PCDH7: variants seen among roughly 807,000 people sequenced by gnomAD.
PCDH7 encodes the protein protocadherin-7.
PCDH7 carries 17 observed loss-of-function variants against 58.9 expected under a neutral mutation model. The observed-to-expected ratio is 0.29, with a 90% CI of 0.20 to 0.43. The LOEUF is 0.43. PCDH7 is among the 20% of genes least tolerant of loss of function. The pLI, the probability that PCDH7 is intolerant of heterozygous loss-of-function variation, is 1.00. For missense variants in PCDH7, 1,274 were observed against 1,441.0 expected (o/e 0.88, Z 1.88); for synonymous variants, 664 against 616.4 (o/e 1.08, Z -1.14).
chr4:31,125,582 A>C (rs1172446135), intron 3 of PCDH7, among the ~76,000 whole-genome samples: 1 of 152,154 alleles, frequency 6.6e-6, no homozygotes, highest in East Asian at 1.9e-4. Context: ...ACGCAGTTCA[A>C]TTTTTGAATT....
chr4:30,842,095 C>T (rs1731293030), intron 1 of PCDH7, among the ~76,000 whole-genome samples: 2 of 152,092 alleles, frequency 1.3e-5, no homozygotes, highest in Non-Finnish European at 2.9e-5. Flanking sequence ...ACATATTTGA[C>T]ATTAATAAAA....
chr4:31,071,339 T>C (rs1758527597), intron 3 of PCDH7, among the ~76,000 whole-genome samples: 1 of 152,076 alleles, frequency 6.6e-6, no homozygotes, highest in South Asian at 2.1e-4. Flanking sequence ...GTCTGTTGTT[T>C]ACAAACAAGC....
At chr4:30,744,374 C>T (rs1382505930) in intron 1 of PCDH7, among the ~76,000 whole-genome samples, 2 of 152,116 alleles carry the variant, frequency 1.3e-5, no homozygotes, top group South Asian at 2.1e-4. Context: ...CTCCATTAAC[C>T]TATATGATTC....
intron 1 of PCDH7, 194 bp downstream of exon 1, chr4:30,724,790 T>C (rs531307841): frequency 1.4e-6 from 2 of 1,409,714 alleles, no homozygotes; most frequent in South Asian, 3.6e-5. Flanking sequence ...ATTTTGCAAA[T>C]TAGAATTAAG....
intron 3 of PCDH7, among the ~76,000 whole-genome samples, chr4:31,072,845 A>T (rs1425627865): frequency 6.6e-6 from 1 of 152,122 alleles, no homozygotes; most frequent in Admixed American, 6.6e-5. Context: ...ACACTAGAAA[A>T]ACGTTCAGAA....
intron 1 of PCDH7, among the ~76,000 whole-genome samples, chr4:30,748,112 T>C (rs1431691870): frequency 6.6e-6 from 1 of 152,232 alleles, no homozygotes; most frequent in East Asian, 1.9e-4. Context: ...AAAAAATGTT[T>C]CACACTTTAA....
intron 3 of PCDH7, among the ~76,000 whole-genome samples, chr4:30,999,945 C>T (rs1037062508): frequency 6.6e-6 from 1 of 152,080 alleles, no homozygotes; most frequent in African/African-American, 2.4e-5. Context: ...ATTTGTATAA[C>T]CCTAGAGCAA....
intron 1 of PCDH7, among the ~76,000 whole-genome samples, chr4:30,881,665 C>T (rs1175711420): frequency 2.0e-5 from 3 of 151,996 alleles, no homozygotes; most frequent in Non-Finnish European, 4.4e-5. Context: ...AATTACTTTG[C>T]CCAGAAAATT....
intron 3 of PCDH7, among the ~76,000 whole-genome samples, chr4:30,962,972 A>G (rs1748611164): frequency 6.6e-6 from 1 of 152,236 alleles, no homozygotes; most frequent in East Asian, 1.9e-4. Flanking sequence ...AGCCTGAGGA[A>G]TAAGTCACAT....
chr4:30,794,883 C>T (rs930335402), intron 1 of PCDH7, among the ~76,000 whole-genome samples: 2 of 152,086 alleles, frequency 1.3e-5, no homozygotes, highest in Admixed American at 6.6e-5. Context: ...GCATGAATAT[C>T]ATTAGACAAT....
intron 1 of PCDH7, among the ~76,000 whole-genome samples, chr4:30,886,623 G>A (rs1345358234): frequency 6.7e-6 from 1 of 149,624 alleles, no homozygotes; most frequent in Non-Finnish European, 1.5e-5. Flanking sequence ...CCATTACTGG[G>A]TATATACCCA....
At chr4:30,884,273 G>T (rs1431949009) in intron 1 of PCDH7, among the ~76,000 whole-genome samples, 1 of 152,078 alleles carries the variant, frequency 6.6e-6, no homozygotes, top group East Asian at 1.9e-4. Context: ...ACAGAAAAAA[G>T]CAGGAAGTAT....
At chr4:30,894,578 CAT>C (rs1560477128) in intron 1 of PCDH7, among the ~76,000 whole-genome samples, 1 of 92,482 alleles carries the variant, frequency 1.1e-5, no homozygotes, top group Non-Finnish European at 2.1e-5. Flanking sequence ...TATACACACA[CAT>C]ATATACACAC....
chr4:30,798,365 C>T (rs1308894372), intron 1 of PCDH7, among the ~76,000 whole-genome samples: 1 of 152,102 alleles, frequency 6.6e-6, no homozygotes, highest in Non-Finnish European at 1.5e-5. Flanking sequence ...AGACGTATCT[C>T]CATTAGACTT....
At chr4:30,736,219 A>G (rs1239257555), downstream of PCDH7, among the ~76,000 whole-genome samples, 1 of 152,190 alleles carries the variant, frequency 6.6e-6, no homozygotes, top group African/African-American at 2.4e-5. Context: ...AAGAAACTTG[A>G]AAAAATACAA....
At chr4:31,042,434 A>C (rs549286670) in intron 3 of PCDH7, among the ~76,000 whole-genome samples, 1 of 152,220 alleles carries the variant, frequency 6.6e-6, no homozygotes, top group Non-Finnish European at 1.5e-5. Context: ...TTTTTGATGA[A>C]CAGTGTTGCA....
At chr4:31,080,091 C>T (rs770632290) in intron 3 of PCDH7, among the ~76,000 whole-genome samples, 3 of 152,224 alleles carry the variant, frequency 2.0e-5, no homozygotes, top group Non-Finnish European at 4.4e-5. Flanking sequence ...ACATATTTAA[C>T]TTAGCTATTA....
At chr4:30,916,532 T>C (rs190409748) in intron 1 of PCDH7, among the ~76,000 whole-genome samples, 1 of 152,342 alleles carries the variant, frequency 6.6e-6, no homozygotes, top group Admixed American at 6.5e-5. Flanking sequence ...ACTGTCACTC[T>C]TCCTCAAGCT....
chr4:30,741,832 A>G (rs1167838713), intron 1 of PCDH7, among the ~76,000 whole-genome samples: 3 of 152,244 alleles, frequency 2.0e-5, no homozygotes, highest in Admixed American at 6.5e-5. Flanking sequence ...CTGAAAGTGG[A>G]CAATTAATTT....
Sources: allele counts gnomAD v4.1 joint callset (sites outside exome capture counted in the v4.1 genomes callset), GRCh38; gene constraint gnomAD v4.1.1; transcripts MANE v1.5; gene names NCBI Gene and HGNC (gene_info 2026-07-23, HGNC 2026-07-21).